RSRP1: variants seen among roughly 807,000 people sequenced by gnomAD.
RSRP1 encodes arginine and serine rich protein 1.
RSRP1 carries 37 observed loss-of-function variants against 33.0 expected under a neutral mutation model. The observed-to-expected ratio is 1.12, with a 90% CI of 0.86 to 1.48. The LOEUF is 1.48. Among genes scored for constraint, RSRP1 ranks in the 40% most tolerant of loss-of-function variants. The pLI, the probability that RSRP1 is intolerant of heterozygous loss-of-function variation, is 0.00. For synonymous variants in RSRP1, 167 were observed against 158.7 expected, an observed-to-expected ratio of 1.05 and a Z score of -0.40; for missense variants, 402 against 385.3, an observed-to-expected ratio of 1.04 and a Z score of -0.36.
chr1:25,299,244 C>A (rs567108013), intron 1 of RSRP1, among the ~76,000 whole-genome samples: 1 of 128,554 alleles, frequency 7.8e-6, no homozygotes, highest in East Asian at 2.0e-4. Flanking sequence ...TAGCCGGGCA[C>A]GGTGGTGGGT....
intron 1 of RSRP1, chr1:25,321,886 C>T (rs780808563): frequency 1.6e-6 from 2 of 1,215,710 alleles, no homozygotes; most frequent in East Asian, 2.3e-5. Flanking sequence ...TGCATTTAAA[C>T]AGGTTTGCTC....
intron 1 of RSRP1, among the ~76,000 whole-genome samples, chr1:25,281,578 A>G (rs1247751512): frequency 7.6e-6 from 1 of 131,904 alleles, no homozygotes; most frequent in African/African-American, 2.6e-5. Context: ...CTTCATATAC[A>G]TATTTCCTGC....
At chr1:25,261,409 T>G (rs1308046862) in intron 1 of RSRP1, among the ~76,000 whole-genome samples, 1 of 150,168 alleles carries the variant, frequency 6.7e-6, no homozygotes, top group African/African-American at 2.4e-5. Flanking sequence ...TTTCTTTCTT[T>G]TTTTTTTTTT....
rs1453614841 is a variant in RSRP1 at position 25,292,960 on chromosome 1, C to A, written c.-67+45018G>T. On this transcript the variant is annotated intron_variant, in intron 1 of 1. Transcript: ENST00000561867. ...GAGGAAGCCCAGGAGAGCGTGAGGT[C>A]CTGGAAGGCAAGGAAAGAGAGGGCC... Among the ~76,000 whole-genome samples the A allele has an allele frequency of 4.9e-5, 6 of 123,374 alleles. 1 individual carries two copies. The highest frequency in any genetic ancestry group is 1.7e-4 in the African/African-American group (6 of 35,720). The allele number at this position is 123,374 out of a possible 152,430, so 80.9% of individuals were successfully genotyped here. A position where few individuals can be genotyped will look rare whatever the true frequency, so the allele number is the denominator to read the frequency against.
rs183908294 is a variant in RSRP1, at chr1:25,261,028, C to A, written c.-66-13999G>T. ...TATTGGCCAGGCTGGTCTCCAACTC[C>A]TGACCTTGTCATCTGCCTGCCTCGG... On this transcript the variant is annotated intron_variant, in intron 1 of 1. Coordinates refer to the RSRP1 transcript ENST00000561867. Among the ~76,000 whole-genome samples, 521 of 152,212 alleles carry A rather than the reference C, an allele frequency of 3.4e-3. 3 individuals carry two copies. Among genetic ancestry groups the A allele is most frequent in the African/African-American group, 0.012 (507 of 41,510 alleles).
intron 1 of RSRP1, among the ~76,000 whole-genome samples, chr1:25,258,485 G>A (rs9438901): frequency 0.89 from 135,881 of 152,250 alleles, 60,870 homozygotes; most frequent in African/African-American, 0.97. Context: ...GCCGGCAACT[G>A]GTGTTCTCAT....
chr1:25,254,109 C>T (rs1290806578), intron 1 of RSRP1, among the ~76,000 whole-genome samples: 1 of 152,152 alleles, frequency 6.6e-6, no homozygotes, highest in African/African-American at 2.4e-5. Context: ...ACAAACATGG[C>T]CTTTTTTAGG....
intron 1 of RSRP1, among the ~76,000 whole-genome samples, chr1:25,313,803 A>G (rs1402090436): frequency 7.5e-6 from 1 of 132,728 alleles, no homozygotes; most frequent in East Asian, 2.0e-4. Flanking sequence ...AGGGGTTTAT[A>G]ATATGAGTTT....
rs1169620422 is a variant in RSRP1, at chr1:25,267,990, AG to A, written c.-66-20962del. On this transcript the variant is annotated intron_variant, in intron 1 of 1. Transcript: ENST00000561867. The stretch of plus-strand genomic sequence containing the variant: ...CGCCCCGTGTCCGCATGCGCGACTG[AG>A]CCGCGGGGGTGGTACTGCTGCATCC... The A allele has an allele frequency of 2.2e-5, 3 of 133,676 alleles. 1 individual carries two copies. Among genetic ancestry groups the A allele is most frequent in the Admixed American group, 2.2e-4 (3 of 13,910 alleles). The allele number at this position is 133,676 out of a possible 1,614,324, so 8.3% of individuals were successfully genotyped here. A position where few individuals can be genotyped will look rare whatever the true frequency, so the allele number is the denominator to read the frequency against.
chr1:25,244,103 C>T (rs1639140624), intron 3 of RSRP1: 1 of 1,253,872 alleles, frequency 8.0e-7, no homozygotes, highest in Non-Finnish European at 1.0e-6. Flanking sequence ...TGCTCTGTCA[C>T]CCAGGCTGGA....
At position 25,320,393 on chromosome 1, in the gene RSRP1, T is replaced by G. The variant is rs1004399944; in HGVS notation, c.-67+17585A>C. ...GTTGTCTCAGAAGACAAAATATATT[T>G]TAGACAGATATTCCTCAGTGATGAG... On this transcript the variant is annotated intron_variant, in intron 1 of 1. Coordinates refer to the RSRP1 transcript ENST00000561867. Among the ~76,000 whole-genome samples the G allele has an allele frequency of 5.3e-5, 7 of 132,180 alleles. 2 individuals are homozygous for G. Among genetic ancestry groups the G allele is most frequent in the African/African-American group, 1.8e-4 (7 of 38,874 alleles). 86.7% of individuals were successfully genotyped at this position (132,180 alleles called of 152,430 possible). A position where few individuals can be genotyped will look rare whatever the true frequency, so the allele number is the denominator to read the frequency against.
chr1:25,307,810 T>G, intron 1 of RSRP1: 1 of 1,301,692 alleles, frequency 7.7e-7, no homozygotes, highest in Non-Finnish European at 1.1e-6. Context: ...GGATCACATA[T>G]CAGTGGGTGA....
At chr1:25,254,831 T>C (rs1016516928) in intron 1 of RSRP1, among the ~76,000 whole-genome samples, 2 of 152,162 alleles carry the variant, frequency 1.3e-5, no homozygotes, top group Admixed American at 1.3e-4. Context: ...TATTTGTCAA[T>C]ATTATTCTTG....
chr1:25,289,273 A>C lies in RSRP1; in HGVS notation c.-66-42244T>G, dbSNP rs2986152. On this transcript the variant is annotated intron_variant, in intron 1 of 1. Transcript: ENST00000561867. ...GCAGTGGTGCAGTCTCGGCCCACTG[A>C]AACCTCTGCCTCCCGGGTTCAAGCG... Among the ~76,000 whole-genome samples the C allele has an allele frequency of 2.4e-4, 31 of 131,902 alleles. 1 individual carries two copies. Among genetic ancestry groups the C allele is most frequent in the African/African-American group, 4.9e-4 (19 of 38,682 alleles). 86.5% of individuals were successfully genotyped at this position (131,902 alleles called of 152,430 possible). A position where few individuals can be genotyped will look rare whatever the true frequency, so the allele number is the denominator to read the frequency against.
chr1:25,286,706 A>G (rs1463488155), intron 1 of RSRP1, among the ~76,000 whole-genome samples: 3 of 134,020 alleles, frequency 2.2e-5, no homozygotes, highest in African/African-American at 2.6e-5. Flanking sequence ...GAATGGCGTG[A>G]ACCCGGGAGG....
intron 1 of RSRP1, among the ~76,000 whole-genome samples, chr1:25,276,865 G>T (rs1485222516): frequency 7.6e-6 from 1 of 132,222 alleles, no homozygotes; most frequent in African/African-American, 2.6e-5. Flanking sequence ...TGGAGATGGA[G>T]ACCATCCTGG....
upstream of RSRP1, among the ~76,000 whole-genome samples, chr1:25,252,034 GTGCACGCCACCACGCC>G (rs1639800777): frequency 6.6e-6 from 1 of 150,648 alleles, no homozygotes; most frequent in Non-Finnish European, 1.5e-5. Context: ...GGGAGTACAG[GTGCACGCCACCACGCC>G]TGGCTAATTT....
intron 4 of RSRP1, among the ~76,000 whole-genome samples, chr1:25,242,983 G>A (rs1449007583): frequency 3.9e-5 from 6 of 152,050 alleles, no homozygotes; most frequent in Admixed American, 3.3e-4. Flanking sequence ...TCAGCTACTC[G>A]GGAGGCTGAG....
chr1:25,330,316 C>T lies in RSRP1; in HGVS notation c.-67+7662G>A, dbSNP rs1199714783. On this transcript the variant is annotated intron_variant, in intron 1 of 1. Coordinates refer to the RSRP1 transcript ENST00000561867. The stretch of plus-strand genomic sequence containing the variant: ...ACATAAACACCATTTAGTCACTGAA[C>T]ATAGCTATATGTATGGTTGTTACTA... 6.0e-5 allele frequency: 8 copies of T among 132,944 alleles called. 1 individual carries two copies. In the South Asian group the frequency reaches 6.8e-4, roughly 11 times the overall value. 8.2% of individuals were successfully genotyped at this position (132,944 alleles called of 1,614,324 possible).
Sources: allele counts gnomAD v4.1 joint callset (sites outside exome capture counted in the v4.1 genomes callset), GRCh38; gene constraint gnomAD v4.1.1; transcripts MANE v1.5; gene names NCBI Gene and HGNC (gene_info 2026-07-23, HGNC 2026-07-21).